Variants in AKAP1 observed in about 807,000 individuals in gnomAD.
AKAP1 encodes the protein A-kinase anchoring protein 1.
In AKAP1, 32 loss-of-function variants were observed where a neutral mutation model predicts 79.8. The observed-to-expected ratio is 0.40, with a 90% confidence interval of 0.30 to 0.54. The LOEUF (loss-of-function observed/expected upper bound fraction) is 0.54. AKAP1 is among the 20% of genes least tolerant of loss of function. The pLI is 0.47. For synonymous variants in AKAP1, 416 were observed against 466.7 expected (o/e 0.89, Z 1.40); for missense variants, 961 against 1,138.9 (o/e 0.84, Z 2.25).
At position 57,086,351 on chromosome 17, in the gene AKAP1, G is replaced by A; in HGVS notation, c.-25+953G>A. 1 of 446,968 alleles carries A rather than the reference G, an allele frequency of 2.2e-6. No homozygotes were observed. Among genetic ancestry groups the A allele is most frequent in the Non-Finnish European group, 4.5e-6 (1 of 223,686 alleles). 27.7% of individuals were successfully genotyped at this position (446,968 alleles called of 1,614,324 possible). A position where few individuals can be genotyped will look rare whatever the true frequency, so the allele number is the denominator to read the frequency against. On this transcript the variant is annotated intron_variant, in intron 1 of 10. Coordinates refer to ENST00000337714, the MANE Select transcript of AKAP1 (RefSeq NM_003488.4). This position sits in a 1 kb window ranked among gnomAD's most constrained non-coding sequence, Gnocchi z 5.1. ...TCAACTCTTTTGTGCCCTAGCTGAAGGTCTTCCTGTTTCCCTTCCAGGGAG... is the reference window on the plus strand; with the variant it reads ...TCAACTCTTTTGTGCCCTAGCTGAAAGTCTTCCTGTTTCCCTTCCAGGGAG...
chr17:57,111,287 C>G lies in AKAP1; in HGVS notation c.1849-511C>G, dbSNP rs545938683. On this transcript the variant is annotated intron_variant, in intron 3 of 10. Transcript: ENST00000337714. The stretch of plus-strand genomic sequence containing the variant: ...CTCTGCAGGCTTCAGCCTGCTGTCA[C>G]TTGGCAGCGGGAGCCCAGGGTTCTT... 8.5e-5 allele frequency among the ~76,000 whole-genome samples: 13 copies of G among 152,362 alleles called. No homozygotes were observed. The South Asian group carries it at 1.7e-3, about 19-fold the overall frequency.
rs140183931 is a variant in AKAP1, at chr17:57,103,025, G to A, written c.-24-2416G>A. 6.0e-3 allele frequency among the ~76,000 whole-genome samples: 911 copies of A among 151,588 alleles called. 8 individuals carry two copies. Among genetic ancestry groups the A allele is most frequent in the African/African-American group, 0.021 (860 of 41,278 alleles). ...AACCTGGAGGCAGAGGTTGTAATGA[G>A]CCGAGATCACACCACTGCACTCCAG... On this transcript the variant is annotated intron_variant, in intron 1 of 10. Coordinates refer to ENST00000337714, the MANE Select transcript of AKAP1 (RefSeq NM_003488.4).
rs1331405255 is a variant in AKAP1 at position 57,114,617 on chromosome 17, C to T, written c.2262C>T (p.Thr754=). The change falls in exon 6 of 11, where the codon ACC becomes ACT. Residue 754 remains threonine, a synonymous_variant. Transcript: ENST00000337714. ...GTTACTCTCAGCCTGGAATCCCCAC[C>T]TTGCCCACCCCAGTGGAAAGTAAGC... The part of the protein sequence containing the change: ...YLCYSQPGIP[T]LPTPVEITVI... 1 of 1,614,022 alleles carries T rather than the reference C, an allele frequency of 6.2e-7. No homozygotes were observed. The highest frequency in any genetic ancestry group is 2.2e-5 in the East Asian group (1 of 44,870).
intron 1 of AKAP1, chr17:57,092,024 G>C (rs1388387021): frequency 3.3e-5 from 5 of 152,188 alleles, no homozygotes; most frequent in African/African-American, 1.2e-4. Context: ...AAGTTGCCCA[G>C]CCTAAAGGCT....
intron 1 of AKAP1, among the ~76,000 whole-genome samples, chr17:57,099,099 G>A (rs1914319405): frequency 6.6e-6 from 1 of 152,092 alleles, no homozygotes; most frequent in Admixed American, 6.5e-5. Context: ...AGTGGGGGCT[G>A]GTAGAGGGGC....
In AKAP1 at chr17:57,086,275, T is replaced by C. The variant is rs1373040075; in HGVS notation, c.-25+877T>C. The C allele has an allele frequency of 2.8e-6, 1 of 358,432 alleles. No individual in the cohort carries two copies. Among genetic ancestry groups the C allele is most frequent in the Non-Finnish European group, 5.5e-6 (1 of 180,640 alleles). 22.2% of individuals were successfully genotyped at this position (358,432 alleles called of 1,614,324 possible). A position where few individuals can be genotyped will look rare whatever the true frequency, so the allele number is the denominator to read the frequency against. ...GACCGCGCCAGTTTTGGGGTTACGA[T>C]GTGCTAGGAGAGGCAGTGGCTGGAT... On this transcript the variant is annotated intron_variant, in intron 1 of 10. Coordinates refer to ENST00000337714, the MANE Select transcript of AKAP1 (RefSeq NM_003488.4). The surrounding 1 kb of genome is among the most constrained non-coding windows in gnomAD (Gnocchi z 5.1).
In AKAP1 at chr17:57,086,139, G is replaced by A. The variant is rs1913434973; in HGVS notation, c.-25+741G>A. 3.3e-6 allele frequency: 1 copy of A among 300,232 alleles called. No individual in the cohort carries two copies. The allele number at this position is 300,232 out of a possible 1,614,324, so 18.6% of individuals were successfully genotyped here. A position where few individuals can be genotyped will look rare whatever the true frequency, so the allele number is the denominator to read the frequency against. On this transcript the variant is annotated intron_variant, in intron 1 of 10. Transcript: ENST00000337714. The surrounding 1 kb of genome is among the most constrained non-coding windows in gnomAD (Gnocchi z 5.1). ...GTAGCCCCTGCAGGCGTGTCCGGAG[G>A]GGTGGAGGCCGTCCAGCCTGGGGTG... is the stretch of plus-strand genomic sequence containing the variant.
intron 1 of AKAP1, among the ~76,000 whole-genome samples, chr17:57,099,804 T>TGAAGTGCA (rs1186972639): frequency 2.0e-5 from 3 of 151,988 alleles, no homozygotes; most frequent in Non-Finnish European, 4.4e-5. Flanking sequence ...ACAGGGCAGG[T>TGAAGTGCA]GAAGTGCAGG....
At chr17:57,090,090 G>A (rs1913689503) in intron 1 of AKAP1, among the ~76,000 whole-genome samples, 1 of 152,198 alleles carries the variant, frequency 6.6e-6, no homozygotes, top group Non-Finnish European at 1.5e-5. Context: ...ATTCTTCACA[G>A]AAGGTGTTGG....
intron 1 of AKAP1, chr17:57,094,324 T>G (rs903070550): frequency 1.3e-5 from 2 of 152,288 alleles, no homozygotes; most frequent in African/African-American, 4.8e-5. Context: ...CCTTTCTTGG[T>G]TGATTTCCTT....
chr17:57,114,939 G>T (rs530084604), intron 6 of AKAP1, among the ~76,000 whole-genome samples: 4 of 148,936 alleles, frequency 2.7e-5, no homozygotes, highest in Admixed American at 2.0e-4. Flanking sequence ...CATAGTATCT[G>T]CCACCTATTT....
intron 2 of AKAP1, 138 bp from the exon 3 acceptor site, chr17:57,109,887 G>A (rs961746872): frequency 1.7e-6 from 2 of 1,152,860 alleles, no homozygotes; most frequent in East Asian, 4.8e-5. Flanking sequence ...TAGACTGTAA[G>A]TTGACAGTCA....
chr17:57,112,658 T>TC (rs35651178), intron 5 of AKAP1, 40 bp downstream of exon 5: 2 of 1,566,786 alleles, frequency 1.3e-6, no homozygotes, highest in Non-Finnish European at 1.7e-6. Flanking sequence ...CTTGCCACTT[T>TC]CCCCCAAACC....
At chr17:57,100,367 C>G (rs1363032364) in intron 1 of AKAP1, among the ~76,000 whole-genome samples, 1 of 152,060 alleles carries the variant, frequency 6.6e-6, no homozygotes, top group African/African-American at 2.4e-5. Context: ...GGGTGGATCA[C>G]TTGAGGTCAG....
chr17:57,100,897 C>T (rs563683885), intron 1 of AKAP1, among the ~76,000 whole-genome samples: 10 of 152,202 alleles, frequency 6.6e-5, no homozygotes, highest in Admixed American at 2.0e-4. Flanking sequence ...GGTGTGGTGG[C>T]GCATGCCTGT....
chr17:57,107,174 A>T lies in AKAP1; in HGVS notation c.1710A>T (p.Ser570=). The T allele has an allele frequency of 6.3e-7, 1 of 1,596,388 alleles. No homozygotes were observed. Among genetic ancestry groups the T allele is most frequent in the Non-Finnish European group, 8.6e-7 (1 of 1,167,718 alleles). Residue 570 remains serine (S), a synonymous_variant, in exon 2 of 11, where the codon TCA becomes TCT. Coordinates refer to ENST00000337714, the MANE Select transcript of AKAP1 (RefSeq NM_003488.4). ...GWTMDAEADH[S]GGSDRNSMDS... ...CCATGGATGCGGAAGCAGATCATTCAGGAGGTAGGAGGGTCTCGGGTTCGT... is the reference window on the plus strand; with the variant it reads ...CCATGGATGCGGAAGCAGATCATTCTGGAGGTAGGAGGGTCTCGGGTTCGT...
chr17:57,100,941 A>G (rs1349985685), intron 1 of AKAP1, among the ~76,000 whole-genome samples: 1 of 152,214 alleles, frequency 6.6e-6, no homozygotes, highest in Non-Finnish European at 1.5e-5. Flanking sequence ...AGGCATAAGA[A>G]TCACTTGAAC....
At chr17:57,108,164 C>A (rs893598884) in intron 2 of AKAP1, 2 of 443,214 alleles carry the variant, frequency 4.5e-6, no homozygotes, top group South Asian at 3.0e-5. Context: ...TGGAGCCATT[C>A]CCTCCCATTT....
chr17:57,106,183 A>AG lies in AKAP1; in HGVS notation c.724dup (p.Glu242GlyfsTer4), dbSNP rs1265792839. 1.9e-6 allele frequency: 3 copies of AG among 1,614,030 alleles called. No individual in the cohort carries two copies. The highest frequency in any genetic ancestry group is 2.5e-6 in the Non-Finnish European group (3 of 1,179,994). On this transcript the variant is annotated frameshift_variant, in exon 2 of 11. Coordinates refer to ENST00000337714, the MANE Select transcript of AKAP1 (RefSeq NM_003488.4). LOFTEE classifies it high-confidence loss of function. ...AAGGGCCCCAGCCTGGCCTCTTTAG[A>AG]GGGGGAAGAAGATAAGGGGAAGAGC...
Sources: gnomAD v4.1 joint callset for allele counts (sites outside exome capture counted in the v4.1 genomes callset) on GRCh38, gnomAD v4.1.1 for gene constraint, Gnocchi (gnomAD v3.1) non-coding constraint, MANE v1.5 for transcripts, NCBI Gene and HGNC (gene_info 2026-07-23, HGNC 2026-07-21) for gene names.